The following BMP6 variants were observed in gnomAD, a reference collection of about 807,000 sequenced individuals.
BMP6 encodes the protein bone morphogenetic protein 6.
In BMP6, 17 loss-of-function variants were observed where a neutral mutation model predicts 54.1. The ratio of observed to expected loss-of-function variants is 0.31; its 90% confidence interval spans 0.22 to 0.47. BMP6 has a LOEUF of 0.47. Among genes scored for constraint, BMP6 ranks in the 20% least tolerant of loss-of-function variants. The probability of loss-of-function intolerance (pLI) is 1.00; values close to 1 mark genes in which losing one functional copy is unlikely to be tolerated. For missense variants in BMP6, 720 were observed against 690.4 expected, an observed-to-expected ratio of 1.04 and a Z score of -0.48; for synonymous variants, 328 against 291.2, an observed-to-expected ratio of 1.13 and a Z score of -1.28.
intron 1 of BMP6, among the ~76,000 whole-genome samples, chr6:7,843,794 A>G (rs1759015918): frequency 6.6e-6 from 1 of 152,218 alleles, no homozygotes; most frequent in Non-Finnish European, 1.5e-5. Context: ...GACTTTGTAT[A>G]GACACCTAAA....
chr6:7,860,620 T>G (rs1236980901), intron 2 of BMP6, among the ~76,000 whole-genome samples: 2 of 152,168 alleles, frequency 1.3e-5, no homozygotes, highest in Non-Finnish European at 2.9e-5. Context: ...TTCTCTGACT[T>G]TGCCTCAAAG....
chr6:7,753,198 A>T (rs1757452578), intron 1 of BMP6, among the ~76,000 whole-genome samples: 1 of 152,236 alleles, frequency 6.6e-6, no homozygotes. Context: ...TCAAATGGTC[A>T]CTGGTAAGCC....
intron 1 of BMP6, among the ~76,000 whole-genome samples, chr6:7,728,691 G>T (rs1320556322): frequency 6.6e-6 from 1 of 152,196 alleles, no homozygotes; most frequent in Non-Finnish European, 1.5e-5. Flanking sequence ...CACTGGCTAC[G>T]CCCGGGATGG....
rs1759697530 is a variant in BMP6 at position 7,880,413 on chromosome 6, C to T, written c.*70C>T. 1.1e-5 allele frequency: 18 copies of T among 1,587,584 alleles called. No individual in the cohort carries two copies. Among genetic ancestry groups the T allele is most frequent in the Admixed American group, 1.7e-5 (1 of 59,342 alleles). ...AGATTACATCTGCCTTAAAAAAACA[C>T]GGAAGCACAGTTGGAGGTGGGACGA... On this transcript the variant is annotated 3_prime_UTR_variant, in exon 7 of 7. Coordinates refer to ENST00000283147, the MANE Select transcript of BMP6 (RefSeq NM_001718.6).
rs147224079 is a variant in BMP6 at position 7,747,884 on chromosome 6, G to A, written c.664+20265G>A. On this transcript the variant is annotated intron_variant, in intron 1 of 6. Transcript: ENST00000283147. ...TGGTCATGAACTCCTGGCCTCAAGC[G>A]ATCCTCCTGCCTCAGCCTCCCAAAG... Among the ~76,000 whole-genome samples, 1,420 of 151,988 alleles carry A rather than the reference G, an allele frequency of 9.3e-3. 34 individuals are homozygous for A. The highest frequency in any genetic ancestry group is 0.033 in the African/African-American group (1,347 of 41,422).
chr6:7,742,854 C>G (rs1036003282), intron 1 of BMP6, among the ~76,000 whole-genome samples: 1 of 151,984 alleles, frequency 6.6e-6, no homozygotes, highest in Non-Finnish European at 1.5e-5. Flanking sequence ...TTAAACAACC[C>G]TTCAGTACTT....
chr6:7,813,642 C>CA (rs70982109), intron 1 of BMP6, among the ~76,000 whole-genome samples: 75 of 4,974 alleles, frequency 0.015, 13 homozygotes, highest in South Asian at 0.02. Context: ...GACCCTGTCT[C>CA]AAAAAAAAAA....
At chr6:7,843,745 G>A (rs535399309) in intron 1 of BMP6, among the ~76,000 whole-genome samples, 1 of 152,306 alleles carries the variant, frequency 6.6e-6, no homozygotes, top group South Asian at 2.1e-4. Flanking sequence ...GCAATTATAA[G>A]TGAGGCATCT....
chr6:7,855,551 CTCTTTTTTTT>C (rs1759213324), intron 2 of BMP6, among the ~76,000 whole-genome samples: 1 of 114,112 alleles, frequency 8.8e-6, no homozygotes, highest in Admixed American at 9.4e-5. Context: ...CTCTCTCTCT[CTCTTTTTTTT>C]TTTTTTTTTT....
chr6:7,871,501 A>G (rs1759524058), intron 4 of BMP6, among the ~76,000 whole-genome samples: 2 of 152,142 alleles, frequency 1.3e-5, no homozygotes, highest in Non-Finnish European at 2.9e-5. Flanking sequence ...TCACCTGATC[A>G]CTCAACAGTT....
At chr6:7,831,835 A>T (rs1201060686) in intron 1 of BMP6, among the ~76,000 whole-genome samples, 2 of 152,148 alleles carry the variant, frequency 1.3e-5, no homozygotes, top group Admixed American at 1.3e-4. Context: ...TGGGGTCAGA[A>T]GCCTGAGTTC....
intron 1 of BMP6, among the ~76,000 whole-genome samples, chr6:7,767,394 G>A (rs1757709269): frequency 1.3e-5 from 2 of 152,054 alleles, no homozygotes; most frequent in African/African-American, 2.4e-5. Flanking sequence ...CTCTGGGTTG[G>A]TCTCTTTGAG....
intron 4 of BMP6, among the ~76,000 whole-genome samples, chr6:7,868,773 C>T (rs923807910): frequency 5.3e-5 from 8 of 152,212 alleles, no homozygotes; most frequent in South Asian, 2.1e-4. Context: ...CGGGGACACC[C>T]GGCTGAGCTG....
intron 1 of BMP6, among the ~76,000 whole-genome samples, chr6:7,763,135 A>C (rs542019412): frequency 6.6e-6 from 1 of 152,348 alleles, no homozygotes; most frequent in Admixed American, 6.5e-5. Flanking sequence ...TGTGTTTTAA[A>C]GTACAAAGCA....
Position 7,878,989 on chromosome 6 carries a change from G to A in BMP6, c.1205-85G>A, listed in dbSNP as rs1380962858. On this transcript the variant is annotated intron_variant, in intron 4 of 6. Transcript: ENST00000283147. ...CTATCCTGAGCCTAGCACAGAGCCT[G>A]GCATGTGGTAAACTCTCTATGAAGG... is the stretch of plus-strand genomic sequence containing the variant. 10 of 1,348,184 alleles carry A rather than the reference G, an allele frequency of 7.4e-6. No individual in the cohort carries two copies. In the African/African-American group the frequency reaches 1.3e-4, roughly 17 times the overall value. 83.5% of individuals were successfully genotyped at this position (1,348,184 alleles called of 1,614,324 possible).
intron 1 of BMP6, among the ~76,000 whole-genome samples, chr6:7,732,084 T>C (rs57727302): frequency 0.015 from 2,223 of 152,332 alleles, 62 homozygotes; most frequent in African/African-American, 0.051. Flanking sequence ...TCCCTACTTG[T>C]ATTTGTAACT....
chr6:7,741,291 C>CATTATT (rs3031753), intron 1 of BMP6, among the ~76,000 whole-genome samples: 1 of 151,790 alleles, frequency 6.6e-6, no homozygotes, highest in Non-Finnish European at 1.5e-5. Context: ...TCTTTATTAT[C>CATTATT]ATTATTATTA....
chr6:7,727,725 C>T (rs1761768722), intron 1 of BMP6, 106 bp downstream of exon 1: 1 of 1,287,810 alleles, frequency 7.8e-7, no homozygotes, highest in Admixed American at 3.9e-5. Flanking sequence ...GCGCGGGTCC[C>T]GCCTGGTGCG....
At chr6:7,878,026 A>G (rs1759649299) in intron 4 of BMP6, among the ~76,000 whole-genome samples, 1 of 152,052 alleles carries the variant, frequency 6.6e-6, no homozygotes, top group Admixed American at 6.6e-5. Flanking sequence ...TCATTTCTCC[A>G]GCTTTATCTC....
Sources: allele counts gnomAD v4.1 joint callset (sites outside exome capture counted in the v4.1 genomes callset), GRCh38; gene constraint gnomAD v4.1.1; transcripts MANE v1.5; gene names NCBI Gene and HGNC (gene_info 2026-07-23, HGNC 2026-07-21).